TJP1: variants seen among roughly 807,000 people sequenced by gnomAD.
The protein encoded by TJP1 is tight junction protein ZO-1.
A neutral mutation model predicts 194.2 loss-of-function variants in TJP1; 43 were observed. The ratio of observed to expected loss-of-function variants is 0.22; its 90% CI spans 0.17 to 0.29. The LOEUF (loss-of-function observed/expected upper bound fraction) is 0.29, where lower values mean the gene tolerates loss of function less well. Among genes scored for constraint, TJP1 ranks in the 10% least tolerant of loss-of-function variants. The probability of loss-of-function intolerance (pLI) is 1.00; values close to 1 mark genes in which losing one functional copy is unlikely to be tolerated. For synonymous variants in TJP1, 801 were observed against 779.0 expected, an observed-to-expected ratio of 1.03 and a Z score of -0.47; for missense variants, 1,971 against 2,185.7, an observed-to-expected ratio of 0.90 and a Z score of 1.96.
chr15:29,920,155 T>C (rs558010918), intron 2 of TJP1, among the ~76,000 whole-genome samples: 55 of 152,300 alleles, frequency 3.6e-4, no homozygotes, highest in African/African-American at 1.3e-3. Context: ...AGCCTGTTAG[T>C]TACAGTACGA....
intron 2 of TJP1, among the ~76,000 whole-genome samples, chr15:29,921,866 C>T (rs1448980351): frequency 7.3e-6 from 1 of 136,176 alleles, no homozygotes; most frequent in Non-Finnish European, 1.6e-5. Flanking sequence ...TTCTCCATGA[C>T]GGAGTTTTGC....
intron 2 of TJP1, among the ~76,000 whole-genome samples, chr15:29,845,263 T>C (rs1483905571): frequency 6.6e-6 from 1 of 152,180 alleles, no homozygotes; most frequent in African/African-American, 2.4e-5. Context: ...GGTCAGGCTA[T>C]GTCTCTTCCT....
intron 1 of TJP1, among the ~76,000 whole-genome samples, chr15:29,964,412 TA>T (rs11440730): frequency 6.6e-6 from 1 of 151,862 alleles, no homozygotes; most frequent in Admixed American, 6.6e-5. Context: ...TTTAGTCTTT[TA>T]AAAAAAGAGA....
chr15:29,953,748 A>G (rs896165631), intron 2 of TJP1, among the ~76,000 whole-genome samples: 40 of 152,364 alleles, frequency 2.6e-4, no homozygotes, highest in African/African-American at 9.4e-4. Flanking sequence ...AACCTGAGTA[A>G]GAAAATGAAC....
intron 2 of TJP1, among the ~76,000 whole-genome samples, chr15:29,864,200 T>G (rs2052208373): frequency 8.0e-6 from 1 of 125,402 alleles, no homozygotes; most frequent in East Asian, 2.5e-4. Flanking sequence ...GAGACCAGTC[T>G]GGCCAACATA....
chr15:29,885,979 G>A (rs2053102505), intron 2 of TJP1, among the ~76,000 whole-genome samples: 1 of 152,200 alleles, frequency 6.6e-6, no homozygotes, highest in South Asian at 2.1e-4. Context: ...AAAGGAAAGA[G>A]CAAAAGCATT....
rs530850566 is a variant in TJP1 at position 29,944,135 on chromosome 15, T to C, written c.306+12097A>G. 1.6e-4 allele frequency among the ~76,000 whole-genome samples: 24 copies of C among 151,938 alleles called. No individual in the cohort carries two copies. In the South Asian group the frequency reaches 5.0e-3, roughly 32 times the overall value. ...TGAGACAGAGTCTTGCTCAGTTGCC[T>C]AGGCTGGAGTGCAGTGGTGCAATCT... is the stretch of plus-strand genomic sequence containing the variant. On this transcript the variant is annotated intron_variant, in intron 2 of 28. Transcript: ENST00000356107.
chr15:29,801,778 T>TA, intron 1 of TJP1, among the ~76,000 whole-genome samples: 2 of 152,112 alleles, frequency 1.3e-5, no homozygotes, highest in East Asian at 3.9e-4. Flanking sequence ...AATTATTATC[T>TA]AAGGCAGGGG....
At chr15:29,949,728 TCACCTCCACCACCAC>T (rs1489985347) in intron 2 of TJP1, among the ~76,000 whole-genome samples, 303 of 9,666 alleles carry the variant, frequency 0.031, no homozygotes, top group Non-Finnish European at 0.049. Flanking sequence ...TCCACCGCCA[TCACCTCCACCACCAC>T]CACCTCCACT....
chr15:29,918,812 C>A (rs777327063), intron 2 of TJP1, among the ~76,000 whole-genome samples: 1 of 151,532 alleles, frequency 6.6e-6, no homozygotes, highest in East Asian at 1.9e-4. Context: ...CAGCAAATAG[C>A]GTAAAAAGAG....
intron 1 of TJP1, among the ~76,000 whole-genome samples, chr15:29,818,196 A>C (rs745981563): frequency 6.6e-6 from 1 of 152,204 alleles, no homozygotes; most frequent in Non-Finnish European, 1.5e-5. Flanking sequence ...ATTCAGCAAA[A>C]TCTAATAAGC....
intron 16 of TJP1, 112 bp downstream of exon 16, chr15:29,727,820 TTATAG>T (rs2043337516): frequency 2.7e-6 from 2 of 741,696 alleles, no homozygotes; most frequent in East Asian, 2.7e-5. Flanking sequence ...CTTAATTTTC[TTATAG>T]TATGTCAGTA....
At chr15:29,821,012 C>CA (rs1390035548) in intron 1 of TJP1, among the ~76,000 whole-genome samples, 1 of 152,154 alleles carries the variant, frequency 6.6e-6, no homozygotes, top group Non-Finnish European at 1.5e-5. Context: ...ACTACCTGCC[C>CA]AAGTATCTCG....
At chr15:29,949,224 T>C (rs1000173425) in intron 2 of TJP1, among the ~76,000 whole-genome samples, 228 of 28,298 alleles carry the variant, frequency 8.1e-3, no homozygotes, top group Admixed American at 0.012. Context: ...ACCTCCACTT[T>C]CACCACCACT....
At chr15:29,813,998 T>C (rs1477763741) in intron 1 of TJP1, among the ~76,000 whole-genome samples, 1 of 152,238 alleles carries the variant, frequency 6.6e-6, no homozygotes, top group Non-Finnish European at 1.5e-5. Flanking sequence ...TGTCAGTATA[T>C]TCAAGGAGCT....
At chr15:29,898,344 G>C (rs912115137) in intron 2 of TJP1, among the ~76,000 whole-genome samples, 6 of 152,132 alleles carry the variant, frequency 3.9e-5, no homozygotes, top group Non-Finnish European at 8.8e-5. Flanking sequence ...CCAGCCACGT[G>C]GAACTGTAAG....
intron 8 of TJP1, among the ~76,000 whole-genome samples, chr15:29,752,017 T>C (rs2045316387): frequency 6.6e-6 from 1 of 152,094 alleles, no homozygotes; most frequent in Non-Finnish European, 1.5e-5. Context: ...CTCAACCTCT[T>C]GGGCTCAAGC....
chr15:29,708,150 C>T (rs2035328), intron 25 of TJP1, among the ~76,000 whole-genome samples: 3 of 150,298 alleles, frequency 2.0e-5, no homozygotes, highest in East Asian at 2.0e-4. Context: ...GAACCAAGAT[C>T]GCACCACTGC....
intron 8 of TJP1, among the ~76,000 whole-genome samples, chr15:29,755,370 T>C (rs1403036211): frequency 6.6e-6 from 1 of 152,198 alleles, no homozygotes; most frequent in East Asian, 1.9e-4. Context: ...TACTCAGCAC[T>C]CTTGGAAAAC....
Sources: gnomAD v4.1 joint callset for allele counts (sites outside exome capture counted in the v4.1 genomes callset) on GRCh38, gnomAD v4.1.1 for gene constraint, MANE v1.5 for transcripts, NCBI Gene and HGNC (gene_info 2026-07-23, HGNC 2026-07-21) for gene names.